Variants in TMEM50A observed in about 807,000 individuals in gnomAD.
The protein encoded by TMEM50A is transmembrane protein 50A.
TMEM50A carries 8 observed loss-of-function variants against 23.9 expected under a neutral mutation model. The observed-to-expected ratio is 0.33, with a 90% CI of 0.20 to 0.60. The LOEUF (loss-of-function observed/expected upper bound fraction) is 0.60, where lower values mean the gene tolerates loss of function less well. TMEM50A is among the 20% of genes least tolerant of loss of function. The probability of loss-of-function intolerance (pLI) is 0.81; values close to 1 mark genes in which losing one functional copy is unlikely to be tolerated. For missense variants in TMEM50A, 178 were observed against 192.7 expected (o/e 0.92, Z 0.45); for synonymous variants, 55 against 60.4 (o/e 0.91, Z 0.41).
At chr1:25,339,976 G>A (rs566611212) in intron 1 of TMEM50A, among the ~76,000 whole-genome samples, 3 of 151,952 alleles carry the variant, frequency 2.0e-5, no homozygotes, top group South Asian at 2.1e-4. Flanking sequence ...TTGCTCTGTC[G>A]CCCAGGCTGG....
chr1:25,351,048 C>T (rs1038248479), intron 3 of TMEM50A, among the ~76,000 whole-genome samples: 1 of 151,568 alleles, frequency 6.6e-6, no homozygotes, highest in Admixed American at 6.6e-5. Flanking sequence ...CCTGTAGTCC[C>T]AACTACTCGG....
At chr1:25,342,360 G>A (rs926766771) in intron 2 of TMEM50A, among the ~76,000 whole-genome samples, 1 of 152,112 alleles carries the variant, frequency 6.6e-6, no homozygotes, top group Non-Finnish European at 1.5e-5. Flanking sequence ...GCGTTATTTT[G>A]TTATACCTTT....
rs71577759 is a variant in TMEM50A at position 25,357,950 on chromosome 1, C to CT, written c.428+1113dup. 5.7e-3 allele frequency among the ~76,000 whole-genome samples: 711 copies of CT among 125,690 alleles called. 17 individuals carry two copies. Among genetic ancestry groups the CT allele is most frequent in the South Asian group, 0.053 (199 of 3,786 alleles). 82.5% of individuals were successfully genotyped at this position (125,690 alleles called of 152,430 possible). ...CCACACCCAGCCTGCATCAGGAGTT[C>CT]TTTTTTTTTTTTTTTTAGAGGGAGT... is the stretch of plus-strand genomic sequence containing the variant. On this transcript the variant is annotated intron_variant, in intron 6 of 6. Transcript: ENST00000374358.
chr1:25,342,033 G>T (rs1328070982), intron 2 of TMEM50A, among the ~76,000 whole-genome samples: 1 of 152,012 alleles, frequency 6.6e-6, no homozygotes, highest in African/African-American at 2.4e-5. Context: ...AGTCTATGAA[G>T]AAAATATCTT....
Position 25,352,951 on chromosome 1 carries a change from T to C in TMEM50A, c.344T>C (p.Leu115Pro). 2 of 1,613,708 alleles carry C rather than the reference T, an allele frequency of 1.2e-6. No individual in the cohort carries two copies. The highest frequency in any genetic ancestry group is 1.7e-6 in the Non-Finnish European group (2 of 1,179,864). The stretch of plus-strand genomic sequence containing the variant: ...TCTCTGATTGCATCTATGTGGATTC[T>C]TTTTGGAGGTTATGTTGCTAAAGGT... ...FGSLIASMWI[L>P]FGGYVAKEKD... The change falls in exon 5 of 7, where the codon CTT becomes CCT. Residue 115 changes from leucine (L) to proline (P), a missense_variant. By Grantham distance (98) the Leu-to-Pro change is moderately conservative (BLOSUM62 -3). Coordinates refer to ENST00000374358, the MANE Select transcript of TMEM50A (RefSeq NM_014313.4).
chr1:25,350,655 T>A (rs963134487), intron 3 of TMEM50A, among the ~76,000 whole-genome samples: 1 of 152,056 alleles, frequency 6.6e-6, no homozygotes, highest in Non-Finnish European at 1.5e-5. Flanking sequence ...CCCAAAGTGC[T>A]GGGATTATAG....
In TMEM50A at chr1:25,357,547, GTGTGTGTGTGTGTGT is replaced by G. The variant is rs1490036608; in HGVS notation, c.428+713_428+727del. On this transcript the variant is annotated intron_variant, in intron 6 of 6. Coordinates refer to ENST00000374358, the MANE Select transcript of TMEM50A (RefSeq NM_014313.4). Reference sequence around the variant, plus strand: ...ATCAGGAGTGTGTGTGTGTGTGTGTGTGTGTGTGTGTGTGTTGTGTGTGTGTGTGTTGTTTTGAGA... The same window carrying G: ...ATCAGGAGTGTGTGTGTGTGTGTGTGTGTGTGTGTGTGTGTTGTTTTGAGA... Among the ~76,000 whole-genome samples the G allele has an allele frequency of 6.3e-3, 950 of 150,288 alleles. 12 individuals are homozygous for G. The highest frequency in any genetic ancestry group is 0.022 in the African/African-American group (882 of 40,772).
At chr1:25,352,650 T>C (rs1645285083) in intron 4 of TMEM50A, among the ~76,000 whole-genome samples, 1 of 152,146 alleles carries the variant, frequency 6.6e-6, no homozygotes, top group African/African-American at 2.4e-5. Context: ...AGTAAGTATA[T>C]GCACTTATAC....
intron 6 of TMEM50A, among the ~76,000 whole-genome samples, chr1:25,357,634 G>GTGTGTGTGTGTT (rs1214354383): frequency 5.7e-4 from 85 of 150,220 alleles, no homozygotes; most frequent in African/African-American, 2.0e-3. Flanking sequence ...GTGTGTGTGT[G>GTGTGTGTGTGTT]TGTGTGTGTG....
At position 25,362,314 on chromosome 1, in the gene TMEM50A, TG is replaced by T; in HGVS notation, c.*1610del. 9.0e-7 allele frequency: 1 copy of T among 1,111,216 alleles called. No individual in the cohort carries two copies. Among genetic ancestry groups the T allele is most frequent in the Non-Finnish European group, 1.3e-6 (1 of 777,764 alleles). 68.8% of individuals were successfully genotyped at this position (1,111,216 alleles called of 1,614,324 possible). A position where few individuals can be genotyped will look rare whatever the true frequency, so the allele number is the denominator to read the frequency against. On this transcript the variant is annotated 3_prime_UTR_variant, in exon 7 of 7. Coordinates refer to ENST00000374358, the MANE Select transcript of TMEM50A (RefSeq NM_014313.4). ...GAAAATATTGATAGCATCATCCTAA[TG>T]AAACTAAACATTTATTTTAAACTTA...
At chr1:25,351,056 C>T (rs935870500) in intron 3 of TMEM50A, among the ~76,000 whole-genome samples, 2 of 150,192 alleles carry the variant, frequency 1.3e-5, no homozygotes, top group Non-Finnish European at 3.0e-5. Context: ...CCCAACTACT[C>T]GGGAGGCTGA....
chr1:25,354,355 G>A (rs997727192), intron 5 of TMEM50A, among the ~76,000 whole-genome samples: 1 of 152,166 alleles, frequency 6.6e-6, no homozygotes, highest in African/African-American at 2.4e-5. Flanking sequence ...TGGGTGCAGT[G>A]TAATCCCAGC....
chr1:25,347,043 G>A (rs965739650), intron 3 of TMEM50A, among the ~76,000 whole-genome samples: 1 of 151,300 alleles, frequency 6.6e-6, no homozygotes, highest in East Asian at 1.9e-4. Context: ...AACAAAAAAC[G>A]CATTTAGTGA....
At chr1:25,351,166 A>G (rs1482663855) in intron 3 of TMEM50A, among the ~76,000 whole-genome samples, 1 of 126,242 alleles carries the variant, frequency 7.9e-6, no homozygotes, top group Non-Finnish European at 1.5e-5. Flanking sequence ...CTCCGTCTCA[A>G]AAAAAAAAAA....
chr1:25,350,937 G>A (rs1005515119), intron 3 of TMEM50A, among the ~76,000 whole-genome samples: 87 of 151,554 alleles, frequency 5.7e-4, no homozygotes, highest in Non-Finnish European at 9.7e-4. Context: ...CGAGGCGGGC[G>A]GATCACAAGG....
At position 25,351,711 on chromosome 1, in the gene TMEM50A, G is replaced by A. The variant is rs1160647643; in HGVS notation, c.274+18G>A. 6.2e-7 allele frequency: 1 copy of A among 1,604,392 alleles called. No individual in the cohort carries two copies. ...TCAAACAGGTAAATAGGTGCAAACAGCATCTTATTATACATGCTTAAATCC... is the reference window on the plus strand; with the variant it reads ...TCAAACAGGTAAATAGGTGCAAACAACATCTTATTATACATGCTTAAATCC... On this transcript the variant is annotated intron_variant, in intron 4 of 6. Coordinates refer to ENST00000374358, the MANE Select transcript of TMEM50A (RefSeq NM_014313.4).
At chr1:25,350,964 A>G (rs963560998) in intron 3 of TMEM50A, among the ~76,000 whole-genome samples, 42 of 151,696 alleles carry the variant, frequency 2.8e-4, no homozygotes, top group Non-Finnish European at 4.4e-5. Context: ...GTTCGAGACC[A>G]TCCTGGCTAA....
intron 4 of TMEM50A, among the ~76,000 whole-genome samples, chr1:25,352,314 T>C (rs966173749): frequency 2.0e-5 from 3 of 151,812 alleles, no homozygotes; most frequent in South Asian, 2.1e-4. Flanking sequence ...GCTAACACAG[T>C]GAAACCCCGT....
chr1:25,346,865 C>G (rs781385626), intron 3 of TMEM50A, among the ~76,000 whole-genome samples: 4 of 151,918 alleles, frequency 2.6e-5, no homozygotes, highest in Non-Finnish European at 5.9e-5. Flanking sequence ...CAAAAAAATA[C>G]AAAAATCAGC....
Sources: gnomAD v4.1 joint callset for allele counts (sites outside exome capture counted in the v4.1 genomes callset) on GRCh38, gnomAD v4.1.1 for gene constraint, MANE v1.5 for transcripts, NCBI Gene and HGNC (gene_info 2026-07-23, HGNC 2026-07-21) for gene names.